Variants in PMS2 observed in about 807,000 individuals in gnomAD.
The protein encoded by PMS2 is mismatch repair endonuclease PMS2.
PMS2 carries 69 observed loss-of-function variants against 90.0 expected under a neutral mutation model. The observed-to-expected ratio is 0.77, with a 90% confidence interval of 0.63 to 0.94. PMS2 has a LOEUF of 0.94. PMS2 is among the 40% of genes least tolerant of loss of function. The pLI is 0.00. For synonymous variants in PMS2, 332 were observed against 375.1 expected, an observed-to-expected ratio of 0.89 and a Z score of 1.33; for missense variants, 966 against 1,040.2, an observed-to-expected ratio of 0.93 and a Z score of 0.98.
rs564243402 is a variant in PMS2 at position 5,989,770 on chromosome 7, G to C, written c.1144+30C>G. 13 of 1,574,078 alleles carry C rather than the reference G, an allele frequency of 8.3e-6. No homozygotes were observed. In the South Asian group the frequency reaches 1.4e-4, roughly 17 times the overall value. ...GGAAACACATTAGCTAAAAGCTTTAGAAGCTGTTTGTACACTGTATTTTTC... is the reference window on the plus strand; with the variant it reads ...GGAAACACATTAGCTAAAAGCTTTACAAGCTGTTTGTACACTGTATTTTTC... On this transcript the variant is annotated intron_variant, in intron 10 of 14. Coordinates refer to ENST00000265849, the MANE Select transcript of PMS2 (RefSeq NM_000535.7).
At chr7:5,999,062 A>G (rs780638518) in intron 6 of PMS2, 46 bp downstream of exon 6, 1 of 1,562,968 alleles carries the variant, frequency 6.4e-7, no homozygotes, top group Non-Finnish European at 8.8e-7. Context: ...AACCCGCTAT[A>G]ATCACTAGAG....
At chr7:5,983,879 C>T (rs753927092) in intron 11 of PMS2, among the ~76,000 whole-genome samples, 3 of 151,406 alleles carry the variant, frequency 2.0e-5, no homozygotes, top group South Asian at 2.1e-4. Context: ...CTTGAACTCC[C>T]GACCTCAAGT....
chr7:5,986,634 G>C, intron 11 of PMS2, 125 bp downstream of exon 11: 1 of 710,834 alleles, frequency 1.4e-6, no homozygotes, highest in Non-Finnish European at 2.2e-6. Context: ...GGAGGCTGCA[G>C]TGAGCCAAGA....
At chr7:6,008,899 T>C in intron 1 of PMS2, 98 bp downstream of exon 1, 1 of 1,455,058 alleles carries the variant, frequency 6.9e-7, no homozygotes, top group South Asian at 1.1e-5. Flanking sequence ...GCCACGCGCC[T>C]CGGCCATGTT....
At position 6,002,612 on chromosome 7, in the gene PMS2, G is replaced by A. The variant is rs768488890; in HGVS notation, c.378C>T (p.His126=). Residue 126 remains histidine (H), a synonymous_variant, in exon 5 of 15, where the codon CAC becomes CAT. Coordinates refer to ENST00000265849, the MANE Select transcript of PMS2 (RefSeq NM_000535.7). ...ALSDVTISTC[H]ASAKVGTRLM... is the part of the protein sequence containing the mutation. ...GTCGAGTTCCAACCTTCGCCGATGC[G>A]TGGCAGGTAGAAATGGTGACATCGC... is the stretch of plus-strand genomic sequence containing the variant. The A allele has an allele frequency of 6.2e-6, 10 of 1,611,788 alleles. No individual in the cohort carries two copies. The highest frequency in any genetic ancestry group is 5.0e-5 in the Admixed American group (3 of 60,002).
rs2128801066 is a variant in PMS2 at position 5,999,209 on chromosome 7, A to G, written c.604T>C (p.Cys202Arg). Reference sequence around the variant, plus strand: ...TTTCCTTGTCCAAGCTGATTGGTGCAACTTACACGGATGCCTGCTGAAATG... The same window carrying G: ...TTTCCTTGTCCAAGCTGATTGGTGCGACTTACACGGATGCCTGCTGAAATG... ...CIISAGIRVS[C>R]TNQLGQGKRQ... The change falls in exon 6 of 15, where the codon TGC becomes CGC. Residue 202 changes from cysteine (C) to arginine (R), a missense_variant. Transcript: ENST00000265849. The G allele has an allele frequency of 6.2e-7, 1 of 1,614,112 alleles. No homozygotes were observed. The highest frequency in any genetic ancestry group is 8.5e-7 in the Non-Finnish European group (1 of 1,179,998).
At position 5,986,805 on chromosome 7, in the gene PMS2, G is replaced by C. The variant is rs1583313284; in HGVS notation, c.1960C>G (p.Pro654Ala). 1.9e-6 allele frequency: 3 copies of C among 1,612,196 alleles called. No individual in the cohort carries two copies. The highest frequency in any genetic ancestry group is 2.5e-6 in the Non-Finnish European group (3 of 1,179,556). Residue 654 changes from proline to alanine, a missense_variant, in exon 11 of 15, where the codon CCT becomes GCT. Around this residue, in one of 2 missense-constraint regions of PMS2, gnomAD observed 871 missense variants for 802.4 expected, o/e 1.09. Coordinates refer to ENST00000265849, the MANE Select transcript of PMS2 (RefSeq NM_000535.7). ...TCTTCGGCTGCTTGATTTTCTCCAG[G>C]ACAAATCTTTGCCCTAAACTTCCTG... The part of the protein sequence containing the change: ...NYRKFRAKIC[P>A]GENQAAEDEL...
intron 7 of PMS2, among the ~76,000 whole-genome samples, chr7:5,996,120 T>C (rs1317433210): frequency 1.3e-5 from 2 of 152,152 alleles, no homozygotes; most frequent in African/African-American, 2.4e-5. Context: ...ACCCCAGGGA[T>C]ACCGGCATTT....
chr7:6,000,942 G>A (rs1785020706), intron 5 of PMS2, among the ~76,000 whole-genome samples: 1 of 152,118 alleles, frequency 6.6e-6, no homozygotes, highest in Non-Finnish European at 1.5e-5. Context: ...AGTGAGCCGA[G>A]ATCGCACCAC....
chr7:5,982,501 G>A (rs1782392598), intron 12 of PMS2, among the ~76,000 whole-genome samples: 1 of 151,932 alleles, frequency 6.6e-6, no homozygotes, highest in Non-Finnish European at 1.5e-5. Flanking sequence ...ACCGTGCCTG[G>A]CCTTTTTGTA....
In PMS2 at chr7:5,983,356, G is replaced by A. The variant is rs1469816967; in HGVS notation, c.2007-365C>T. On this transcript the variant is annotated intron_variant, in intron 11 of 14. Transcript: ENST00000265849. Reference sequence around the variant, plus strand: ...GAACTCCTGACCTCATGATCTGCCCGCCTTGGCCTCCCAAAGTGCTGGGAT... The same window carrying A: ...GAACTCCTGACCTCATGATCTGCCCACCTTGGCCTCCCAAAGTGCTGGGAT... 8.6e-5 allele frequency among the ~76,000 whole-genome samples: 13 copies of A among 151,396 alleles called. 1 individual carries two copies. Among genetic ancestry groups the A allele is most frequent in the Middle Eastern group, 3.4e-3 (1 of 292 alleles).
intron 11 of PMS2, among the ~76,000 whole-genome samples, chr7:5,983,306 C>T (rs1205395417): frequency 2.0e-5 from 3 of 151,372 alleles, no homozygotes; most frequent in East Asian, 1.9e-4. Flanking sequence ...AGACAGAGTT[C>T]CACCATGTTG....
rs765847615 is a variant in PMS2, at chr7:5,999,183, T to C, written c.630A>G (p.Lys210=). 13 of 1,614,062 alleles carry C rather than the reference T, an allele frequency of 8.1e-6. No homozygotes were observed. Among genetic ancestry groups the C allele is most frequent in the South Asian group, 1.1e-5 (1 of 91,088 alleles). ...VSCTNQLGQG[K]RQPVVCTGGS... is the part of the protein sequence containing the mutation. ...CACCTGTGCATACCACAGGCTGTCGTTTTCCTTGTCCAAGCTGATTGGTGC... is the reference window on the plus strand; with the variant it reads ...CACCTGTGCATACCACAGGCTGTCGCTTTCCTTGTCCAAGCTGATTGGTGC... Residue 210 remains lysine, a synonymous_variant, in exon 6 of 15, where the codon AAA becomes AAG. Transcript: ENST00000265849.
Position 5,987,561 on chromosome 7 carries a change from G to C in PMS2, c.1204C>G (p.Gln402Glu), listed in dbSNP as rs587782789. 6.2e-7 allele frequency: 1 copy of C among 1,613,352 alleles called. No homozygotes were observed. Among genetic ancestry groups the C allele is most frequent in the Non-Finnish European group, 8.5e-7 (1 of 1,179,380 alleles). The part of the protein sequence containing the change: ...LEKPMVEKQD[Q>E]SPSLRTGEEK... ...TCTCCAGTCCTTAATGAAGGGGATT[G>C]ATCCTGCTTTTCTACCATGGGCTTT... Residue 402 changes from glutamine to glutamate, a missense_variant, in exon 11 of 15, where the codon CAA (glutamine) becomes GAA (glutamate). Physicochemically the swap from Gln to Glu is conservative, Grantham distance 29 (BLOSUM62 2). Coordinates refer to ENST00000265849, the MANE Select transcript of PMS2 (RefSeq NM_000535.7).
chr7:6,004,834 T>C (rs1027337573), intron 2 of PMS2, among the ~76,000 whole-genome samples: 5 of 152,120 alleles, frequency 3.3e-5, no homozygotes, highest in Non-Finnish European at 7.4e-5. Context: ...ATTTGTAAAA[T>C]AGAGAATAAT....
chr7:6,002,193 T>C (rs1286062928), intron 5 of PMS2: 4 of 382,738 alleles, frequency 1.0e-5, no homozygotes, highest in South Asian at 2.3e-5. Context: ...CCATGCCCAG[T>C]AAATTTTTTT....
chr7:6,005,455 T>G (rs1583416553), intron 2 of PMS2, among the ~76,000 whole-genome samples: 1 of 152,004 alleles, frequency 6.6e-6, no homozygotes, highest in African/African-American at 2.4e-5. Context: ...CCACCCGCCT[T>G]GGCCTCCCAA....
intron 10 of PMS2, among the ~76,000 whole-genome samples, chr7:5,988,443 A>G: frequency 6.6e-6 from 1 of 152,144 alleles, no homozygotes; most frequent in East Asian, 1.9e-4. Context: ...TTATAATCCC[A>G]GCTACTAGGG....
Position 5,997,450 on chromosome 7 carries a change from G to C in PMS2, c.706-27C>G, listed in dbSNP as rs768573076. 4 of 1,222,148 alleles carry C rather than the reference G, an allele frequency of 3.3e-6. No individual in the cohort carries two copies. In the East Asian group the frequency reaches 7.0e-5, roughly 21 times the overall value. 75.7% of individuals were successfully genotyped at this position (1,222,148 alleles called of 1,614,324 possible). ...TGAAAAAAAAAAAAAAAAATTCACA[G>C]TTACTTCCTAATAAAGACAGAGTGG... On this transcript the variant is annotated intron_variant, in intron 6 of 14. Coordinates refer to ENST00000265849, the MANE Select transcript of PMS2 (RefSeq NM_000535.7).
Sources: gnomAD v4.1 joint callset for allele counts (sites outside exome capture counted in the v4.1 genomes callset) on GRCh38, gnomAD v4.1.1 for gene constraint, gnomAD v4.1.1 regional missense constraint, MANE v1.5 for transcripts, NCBI Gene and HGNC (gene_info 2026-07-23, HGNC 2026-07-21) for gene names.